Variants in ZNF587B observed in about 807,000 individuals in gnomAD.
ZNF587B encodes the protein zinc finger protein 587B.
Under a neutral mutation model 7.2 loss-of-function variants are expected in ZNF587B, and 6 were observed. That is an observed-to-expected ratio of 0.83 (90% CI 0.46 to 1.65). The LOEUF is 1.65. Ranked by LOEUF, ZNF587B falls within the 40% of genes most tolerant of loss-of-function variation. The pLI is 0.01. For synonymous variants in ZNF587B, 274 were observed against 254.3 expected (o/e 1.08, Z -0.74); for missense variants, 749 against 761.0 (o/e 0.98, Z 0.19).
In ZNF587B at chr19:57,842,288, T is replaced by A. The variant is rs1252381655; in HGVS notation, c.1614T>A (p.Ile538=). ...CATTTACCCACAGCTGTGCATTCATTGTTCATAAGAGAGTTCACACTGGTC... is the reference window on the plus strand; with the variant it reads ...CATTTACCCACAGCTGTGCATTCATAGTTCATAAGAGAGTTCACACTGGTC... ...GKSFTHSCAF[I]VHKRVHTGQK... is the part of the protein sequence containing the mutation. The change falls in exon 3 of 3, where the codon ATT becomes ATA. Residue 538 remains isoleucine, a synonymous_variant. Transcript: ENST00000594901. 4 of 1,612,766 alleles carry A rather than the reference T, an allele frequency of 2.5e-6. No homozygotes were observed. Among genetic ancestry groups the A allele is most frequent in the Admixed American group, 1.7e-5 (1 of 59,870 alleles).
chr19:57,839,640 T>A (rs1374528862), intron 2 of ZNF587B, among the ~76,000 whole-genome samples: 1 of 152,178 alleles, frequency 6.6e-6, no homozygotes, highest in Non-Finnish European at 1.5e-5. Context: ...TGTTCCCTTG[T>A]TCTGTCTTTC....
At chr19:57,832,442 T>C (rs186338988) in intron 1 of ZNF587B, among the ~76,000 whole-genome samples, 27 of 152,370 alleles carry the variant, frequency 1.8e-4, no homozygotes, top group African/African-American at 4.8e-4. Context: ...ATTCTGAATT[T>C]TTTCTCCGTG....
At chr19:57,832,564 G>C (rs1160173897) in intron 1 of ZNF587B, among the ~76,000 whole-genome samples, 2 of 152,194 alleles carry the variant, frequency 1.3e-5, no homozygotes, top group African/African-American at 2.4e-5. Flanking sequence ...TATTTAGTTT[G>C]TTTGGTGAGG....
Position 57,842,026 on chromosome 19 carries a change from G to A in ZNF587B, c.1352G>A (p.Gly451Asp). The change falls in exon 3 of 3, where the codon GGT becomes GAT. Residue 451 changes from glycine to aspartate, a missense_variant. By Grantham distance (94) the Gly-to-Asp change is moderately conservative. Transcript: ENST00000594901. Reference protein sequence around the residue: ...GECGKCFSHKGNLILHQHGHT... With the variant: ...GECGKCFSHKDNLILHQHGHT... ...TGTGGGAAATGTTTTAGTCACAAGG[G>A]TAACCTCATTCTACACCAGCATGGC... 11 of 1,595,242 alleles carry A rather than the reference G, an allele frequency of 6.9e-6. No individual in the cohort carries two copies. Among genetic ancestry groups the A allele is most frequent in the South Asian group, 4.5e-5 (4 of 89,292 alleles).
In ZNF587B at chr19:57,841,146, G is replaced by A. The variant is rs1289269211; in HGVS notation, c.472G>A (p.Val158Met). 5 of 1,614,218 alleles carry A rather than the reference G, an allele frequency of 3.1e-6. No individual in the cohort carries two copies. Among genetic ancestry groups the A allele is most frequent in the Non-Finnish European group, 3.4e-6 (4 of 1,180,056 alleles). The change falls in exon 3 of 3, where the codon GTG (valine) becomes ATG (methionine). Residue 158 changes from valine (V) to methionine (M), a missense_variant. Around this residue, in one of 3 missense-constraint regions of ZNF587B, gnomAD observed 656 missense variants for 596.5 expected, o/e 1.10. Transcript: ENST00000594901. Reference sequence around the variant, plus strand: ...AGGGAGTGTTGAGGAGGCGTTGTTTGTGAAGAGGTGTAAGTTGCATGTGTC... The same window carrying A: ...AGGGAGTGTTGAGGAGGCGTTGTTTATGAAGAGGTGTAAGTTGCATGTGTC... ...YRGSVEEALFVKRCKLHVSGE... is the reference protein window; with the variant it reads ...YRGSVEEALFMKRCKLHVSGE...
intron 1 of ZNF587B, among the ~76,000 whole-genome samples, chr19:57,830,803 TA>T (rs35720058): frequency 4.0e-5 from 6 of 151,074 alleles, no homozygotes; most frequent in African/African-American, 9.7e-5. Context: ...TCCGTTTATT[TA>T]AAAAAAAATC....
At position 57,843,542 on chromosome 19, in the gene ZNF587B, A is replaced by ATT. The variant is rs530321052; in HGVS notation, c.*975_*976dup. 2.2e-6 allele frequency: 2 copies of ATT among 907,590 alleles called. No homozygotes were observed. Among genetic ancestry groups the ATT allele is most frequent in the South Asian group, 1.0e-4 (2 of 19,108 alleles). 56.2% of individuals were successfully genotyped at this position (907,590 alleles called of 1,614,324 possible). On this transcript the variant is annotated 3_prime_UTR_variant, in exon 3 of 3. Coordinates refer to ENST00000594901, the MANE Select transcript of ZNF587B (RefSeq NM_001376223.1). ...TTTGGTTGTCTCCCATTCACGAGAGATTTTTTTTTTAAGTTTTTTGTTTGG... is the reference window on the plus strand; with the variant it reads ...TTTGGTTGTCTCCCATTCACGAGAGATTTTTTTTTTTTAAGTTTTTTGTTTGG...
At chr19:57,832,585 C>G (rs1476016195) in intron 1 of ZNF587B, among the ~76,000 whole-genome samples, 3 of 152,212 alleles carry the variant, frequency 2.0e-5, no homozygotes, top group Admixed American at 2.0e-4. Flanking sequence ...TCACGTTTTC[C>G]TGGATGGTGT....
At chr19:57,832,150 GA>G (rs1216001732) in intron 1 of ZNF587B, among the ~76,000 whole-genome samples, 1 of 151,770 alleles carries the variant, frequency 6.6e-6, no homozygotes. Flanking sequence ...GCAGTGGCAC[GA>G]TCTCGGCTCA....
At position 57,842,216 on chromosome 19, in the gene ZNF587B, A is replaced by C; in HGVS notation, c.1542A>C (p.Arg514Ser). ...RHKCHLTAHQ[R>S]VHTGERPYEC... ...AGTGCCACCTCACTGCACACCAGAG[A>C]GTTCACACTGGAGAAAGGCCATATG... is the stretch of plus-strand genomic sequence containing the variant. Residue 514 changes from arginine (R) to serine (S), a missense_variant, in exon 3 of 3, where the codon AGA (arginine) becomes AGC (serine). Transcript: ENST00000594901. The C allele has an allele frequency of 6.2e-7, 1 of 1,613,560 alleles. No homozygotes were observed. The highest frequency in any genetic ancestry group is 8.5e-7 in the Non-Finnish European group (1 of 1,179,652).
Position 57,844,174 on chromosome 19 carries a change from T to C in ZNF587B, c.*1598T>C, listed in dbSNP as rs1988985552. ...TTACACCATGGACCTTCCCCATTTTTGTCCCAGAGGACTCTTGTGCTGACT... is the reference window on the plus strand; with the variant it reads ...TTACACCATGGACCTTCCCCATTTTCGTCCCAGAGGACTCTTGTGCTGACT... On this transcript the variant is annotated 3_prime_UTR_variant, in exon 3 of 3. Coordinates refer to ENST00000594901, the MANE Select transcript of ZNF587B (RefSeq NM_001376223.1). 1 of 386,418 alleles carries C rather than the reference T, an allele frequency of 2.6e-6. No homozygotes were observed. The highest frequency in any genetic ancestry group is 3.3e-5 in the Admixed American group (1 of 30,324). 23.9% of individuals were successfully genotyped at this position (386,418 alleles called of 1,614,324 possible).
In ZNF587B at chr19:57,843,463, C is replaced by CAATG; in HGVS notation, c.*887_*888insAATG. The stretch of plus-strand genomic sequence containing the variant: ...GGCAAAAGCCATTACATCTCAGCTA[C>CAATG]TTGGTAGGTACCCACATTGCATCAT... On this transcript the variant is annotated 3_prime_UTR_variant, in exon 3 of 3. Transcript: ENST00000594901. 1 of 985,344 alleles carries CAATG rather than the reference C, an allele frequency of 1.0e-6. No individual in the cohort carries two copies. Among genetic ancestry groups the CAATG allele is most frequent in the East Asian group, 1.1e-4 (1 of 8,818 alleles). 61.0% of individuals were successfully genotyped at this position (985,344 alleles called of 1,614,324 possible).
In ZNF587B at chr19:57,843,067, C is replaced by A; in HGVS notation, c.*491C>A. The A allele has an allele frequency of 1.2e-6, 1 of 810,152 alleles. No homozygotes were observed. Among genetic ancestry groups the A allele is most frequent in the Non-Finnish European group, 1.5e-6 (1 of 670,034 alleles). 50.2% of individuals were successfully genotyped at this position (810,152 alleles called of 1,614,324 possible). On this transcript the variant is annotated 3_prime_UTR_variant, in exon 3 of 3. Transcript: ENST00000594901. ...CTGGTGTGCAGTGCTGCGATCGTAG[C>A]TCACTGCATCCTCCGCCCCCTAGGC...
chr19:57,839,211 A>G, intron 2 of ZNF587B, 62 bp downstream of exon 2: 1 of 1,597,504 alleles, frequency 6.3e-7, no homozygotes, highest in Admixed American at 1.7e-5. Context: ...GTCTTTCCCC[A>G]TTGGCAAGAC....
At chr19:57,838,989 T>C (rs757473820) in intron 1 of ZNF587B, 34 bp from the exon 2 acceptor site, 73 of 1,603,780 alleles carry the variant, frequency 4.6e-5, no homozygotes, top group Non-Finnish European at 5.7e-5. Context: ...AGCATAGGGG[T>C]GGTTTGTGGT....
chr19:57,841,558 G>T lies in ZNF587B; in HGVS notation c.884G>T (p.Gly295Val). 1 of 1,579,142 alleles carries T rather than the reference G, an allele frequency of 6.3e-7. No individual in the cohort carries two copies. Among genetic ancestry groups the T allele is most frequent in the Non-Finnish European group, 8.6e-7 (1 of 1,162,068 alleles). The change falls in exon 3 of 3, where the codon GGA becomes GTA. Residue 295 changes from glycine to valine, a missense_variant. Gly to Val is a moderately radical substitution (Grantham distance 109, BLOSUM62 -3). This residue lies in a region of ZNF587B where 656 missense variants were observed against 596.5 expected (regional missense o/e 1.10). Coordinates refer to ENST00000594901, the MANE Select transcript of ZNF587B (RefSeq NM_001376223.1). ...CAACATCAGCAATTTCACACTGGAGGAAAACCTTATGGGTGTGAAGAATGT... is the reference window on the plus strand; with the variant it reads ...CAACATCAGCAATTTCACACTGGAGTAAAACCTTATGGGTGTGAAGAATGT... ...LIQHQQFHTGGKPYGCEECGK... is the reference protein window; with the variant it reads ...LIQHQQFHTGVKPYGCEECGK...
chr19:57,842,460 C>G lies in ZNF587B; in HGVS notation c.1786C>G (p.His596Asp). ...SFAGISSLTN[H>D]RRVHTGEKPY... ...TGCTGGAATCTCCAGTCTCACTAAT[C>G]ACAGGAGAGTTCACACTGGAGAAAA... is the stretch of plus-strand genomic sequence containing the variant. Residue 596 changes from histidine to aspartate, a missense_variant, in exon 3 of 3, where the codon CAC becomes GAC. This residue lies in a region of ZNF587B where 656 missense variants were observed against 596.5 expected (regional missense o/e 1.10). Transcript: ENST00000594901. 1 of 1,599,830 alleles carries G rather than the reference C, an allele frequency of 6.3e-7. No homozygotes were observed. Among genetic ancestry groups the G allele is most frequent in the Non-Finnish European group, 8.5e-7 (1 of 1,174,656 alleles).
rs113335262 is a variant in ZNF587B, at chr19:57,841,386, C to G, written c.712C>G (p.Arg238Gly). The G allele has an allele frequency of 2.1e-3, 3,368 of 1,585,848 alleles. 65 individuals are homozygous for G. In the African/African-American group the frequency reaches 0.041, roughly 19 times the overall value. Residue 238 changes from arginine to glycine, a missense_variant, in exon 3 of 3, where the codon CGA (arginine) becomes GGA (glycine). This residue lies in a region of ZNF587B where 656 missense variants were observed against 596.5 expected (regional missense o/e 1.10). Coordinates refer to ENST00000594901, the MANE Select transcript of ZNF587B (RefSeq NM_001376223.1). ...CAGTCAGCACCAGAGACTTCTCCCT[C>G]GAGAAGAATGTTATGTGTGCTGTGA... The part of the protein sequence containing the change: ...ILSQHQRLLP[R>G]EECYVCCECG...
rs1334426030 is a variant in ZNF587B, at chr19:57,844,949, AG to A, written c.*2377del. On this transcript the variant is annotated 3_prime_UTR_variant, in exon 3 of 3. Coordinates refer to ENST00000594901, the MANE Select transcript of ZNF587B (RefSeq NM_001376223.1). ...TAGTTACTGCATTTATAGTCAGCAG[AG>A]GGGACAGCAATAAAGTTTTTGAAAT... The A allele has an allele frequency of 6.6e-6, 1 of 152,074 alleles. No homozygotes were observed. The highest frequency in any genetic ancestry group is 1.5e-5 in the Non-Finnish European group (1 of 68,006). 9.4% of individuals were successfully genotyped at this position (152,074 alleles called of 1,614,324 possible).
Sources: gnomAD v4.1 joint callset for allele counts (sites outside exome capture counted in the v4.1 genomes callset) on GRCh38, gnomAD v4.1.1 for gene constraint, gnomAD v4.1.1 regional missense constraint, MANE v1.5 for transcripts, NCBI Gene and HGNC (gene_info 2026-07-23, HGNC 2026-07-21) for gene names.